Variants in SLC10A7 observed in about 807,000 individuals in gnomAD.
SLC10A7 encodes the protein sodium/bile acid cotransporter 7.
SLC10A7 carries 29 observed loss-of-function variants against 43.2 expected under a neutral mutation model. The observed-to-expected ratio is 0.67, with a 90% CI of 0.50 to 0.92. The LOEUF (loss-of-function observed/expected upper bound fraction) is 0.92, where lower values mean the gene tolerates loss of function less well. Ranked by LOEUF, SLC10A7 falls within the 40% of genes least tolerant of loss-of-function variation. SLC10A7 has a pLI of 0.00. For missense variants in SLC10A7, 295 were observed against 403.2 expected (o/e 0.73, Z 2.30); for synonymous variants, 152 against 144.8 (o/e 1.05, Z -0.35).
At chr4:146,367,962 T>A (rs1245239979) in intron 5 of SLC10A7, among the ~76,000 whole-genome samples, 1 of 152,084 alleles carries the variant, frequency 6.6e-6, no homozygotes, top group Non-Finnish European at 1.5e-5. Flanking sequence ...TCAAAAACAC[T>A]CCTTTAAATT....
intron 5 of SLC10A7, among the ~76,000 whole-genome samples, chr4:146,331,807 G>A (rs565991904): frequency 1.7e-3 from 265 of 152,238 alleles, no homozygotes; most frequent in Non-Finnish European, 2.4e-3. Flanking sequence ...AACAGTTAGT[G>A]AAAAGTCTAT....
At chr4:146,281,217 T>C (rs1201610458) in intron 10 of SLC10A7, among the ~76,000 whole-genome samples, 1 of 151,978 alleles carries the variant, frequency 6.6e-6, no homozygotes, top group Non-Finnish European at 1.5e-5. Flanking sequence ...CCTGAATGGG[T>C]AGATATTCTG....
At chr4:146,316,247 C>G (rs187634577) in intron 6 of SLC10A7, among the ~76,000 whole-genome samples, 1 of 152,100 alleles carries the variant, frequency 6.6e-6, no homozygotes, top group East Asian at 1.9e-4. Context: ...GATATGCTAT[C>G]AAGATAATTG....
intron 5 of SLC10A7, among the ~76,000 whole-genome samples, chr4:146,332,074 G>A (rs746288996): frequency 1.3e-5 from 2 of 152,186 alleles, no homozygotes; most frequent in Non-Finnish European, 2.9e-5. Flanking sequence ...GAAAGTGGTG[G>A]TGGATTGGTG....
chr4:146,438,921 C>T (rs116338557), intron 5 of SLC10A7, among the ~76,000 whole-genome samples: 2,665 of 151,956 alleles, frequency 0.018, 67 homozygotes, highest in African/African-American at 0.062. Context: ...AATTTGAAGT[C>T]GAAATATATA....
Position 146,517,047 on chromosome 4 carries a change from C to A in SLC10A7, c.174G>T (p.Leu58Phe). 1 of 1,600,398 alleles carries A rather than the reference C, an allele frequency of 6.2e-7. No homozygotes were observed. Among genetic ancestry groups the A allele is most frequent in the South Asian group, 1.1e-5 (1 of 89,048 alleles). The change falls in exon 2 of 12, where the codon TTG becomes TTT. Residue 58 changes from leucine (L) to phenylalanine (F), a missense_variant. Physicochemically the swap from Leu to Phe is conservative, Grantham distance 22 (BLOSUM62 0). Transcript: ENST00000335472. ...CCATAGATGACAGTACCTCTGTTTT[C>A]AATGATAGTCCACTGTTAAAGAATA... ...ATIFFNSGLS[L>F]KTEELTSALV... is the part of the protein sequence containing the mutation.
At chr4:146,322,495 T>C (rs1426140962) in intron 6 of SLC10A7, among the ~76,000 whole-genome samples, 1 of 151,926 alleles carries the variant, frequency 6.6e-6, no homozygotes, top group Non-Finnish European at 1.5e-5. Flanking sequence ...TTGTGATAGT[T>C]TGCTGAGAAT....
intron 5 of SLC10A7, among the ~76,000 whole-genome samples, chr4:146,361,799 T>C (rs1035762074): frequency 1.3e-5 from 2 of 152,160 alleles, no homozygotes; most frequent in African/African-American, 4.8e-5. Flanking sequence ...AGACATGGAA[T>C]TTAAAACAGC....
chr4:146,316,002 T>C (rs908052687), intron 6 of SLC10A7, among the ~76,000 whole-genome samples: 1 of 152,102 alleles, frequency 6.6e-6, no homozygotes, highest in African/African-American at 2.4e-5. Context: ...GAATAAGACA[T>C]GCACAATTTC....
intron 5 of SLC10A7, among the ~76,000 whole-genome samples, chr4:146,368,340 C>T (rs907576146): frequency 1.3e-5 from 2 of 152,144 alleles, no homozygotes; most frequent in Admixed American, 6.6e-5. Flanking sequence ...GCAGAAAATG[C>T]CCATGTGTTG....
At chr4:146,305,319 G>T (rs529817706) in intron 7 of SLC10A7, among the ~76,000 whole-genome samples, 1 of 150,656 alleles carries the variant, frequency 6.6e-6, no homozygotes, top group Non-Finnish European at 1.5e-5. Context: ...GTAAACTATC[G>T]CAACAACAAA....
At chr4:146,316,340 C>A (rs1732321325) in intron 6 of SLC10A7, among the ~76,000 whole-genome samples, 2 of 151,596 alleles carry the variant, frequency 1.3e-5, no homozygotes, top group South Asian at 4.1e-4. Flanking sequence ...TAAATCCAAA[C>A]CCCCTGGGTG....
rs72954596 is a variant in SLC10A7, at chr4:146,498,821, A to C, written c.396+5028T>G. 9.9e-3 allele frequency among the ~76,000 whole-genome samples: 1,512 copies of C among 152,306 alleles called. 22 individuals are homozygous for C. The highest frequency in any genetic ancestry group is 0.034 in the African/African-American group (1,404 of 41,558). On this transcript the variant is annotated intron_variant, in intron 4 of 11. Transcript: ENST00000335472. Reference sequence around the variant, plus strand: ...CAATAATAACCTAAGTTATAACAACATATTTTTTTTAACTAACAAAAAGCA... The same window carrying C: ...CAATAATAACCTAAGTTATAACAACCTATTTTTTTTAACTAACAAAAAGCA...
chr4:146,352,725 A>C lies in SLC10A7; in HGVS notation c.436-26729T>G, dbSNP rs1310512023. Among the ~76,000 whole-genome samples, 8 of 113,398 alleles carry C rather than the reference A, an allele frequency of 7.1e-5. No homozygotes were observed. In the East Asian group the frequency reaches 2.2e-3, roughly 31 times the overall value. The allele number at this position is 113,398 out of a possible 152,430, so 74.4% of individuals were successfully genotyped here. On this transcript the variant is annotated intron_variant, in intron 5 of 11. Coordinates refer to ENST00000335472, the MANE Select transcript of SLC10A7 (RefSeq NM_001029998.6). The stretch of plus-strand genomic sequence containing the variant: ...TGCAATCAAACTAGAACTCAGGATT[A>C]AGAATCTCACTCAAAGCCGCTCAAC...
Position 146,481,315 on chromosome 4 carries a change from C to T in SLC10A7, c.396+22534G>A, listed in dbSNP as rs144310357. Among the ~76,000 whole-genome samples the T allele has an allele frequency of 1.8e-3, 275 of 152,324 alleles. 3 individuals are homozygous for T. The highest frequency in any genetic ancestry group is 6.1e-3 in the African/African-American group (253 of 41,578). On this transcript the variant is annotated intron_variant, in intron 4 of 11. Coordinates refer to ENST00000335472, the MANE Select transcript of SLC10A7 (RefSeq NM_001029998.6). ...TGCCCCACAGTCCAAGCTGCTGAAG[C>T]ACCCCATCTCTCCAGAGAGTAAAGT...
chr4:146,483,681 T>C (rs1217308551), intron 4 of SLC10A7, among the ~76,000 whole-genome samples: 3 of 151,940 alleles, frequency 2.0e-5, no homozygotes, highest in African/African-American at 7.2e-5. Flanking sequence ...GAGAGGATGA[T>C]TGGATTAAAA....
chr4:146,432,995 G>A (rs1041139627), intron 5 of SLC10A7, among the ~76,000 whole-genome samples: 2 of 150,602 alleles, frequency 1.3e-5, no homozygotes, highest in Admixed American at 6.6e-5. Flanking sequence ...CCGAGATCAC[G>A]CCACTGCACT....
chr4:146,406,287 A>C (rs1004116162), intron 5 of SLC10A7, among the ~76,000 whole-genome samples: 10 of 152,204 alleles, frequency 6.6e-5, no homozygotes, highest in African/African-American at 2.4e-4. Flanking sequence ...AATTATTGGG[A>C]TCTCAGGTCC....
Position 146,503,864 on chromosome 4 carries a change from T to A in SLC10A7, c.381A>T (p.Ala127=). ...CATGACTCACCTCATTTCCACCAAC[T>A]GCCTTGGTTAAAATCACTGCAGAAG... ...PVSSAVILTK[A]VGGNEAAAIF... Residue 127 remains alanine, a synonymous_variant, in exon 4 of 12, where the codon GCA becomes GCT. Transcript: ENST00000335472. 1 of 1,614,100 alleles carries A rather than the reference T, an allele frequency of 6.2e-7. No homozygotes were observed. Among genetic ancestry groups the A allele is most frequent in the African/African-American group, 1.3e-5 (1 of 75,064 alleles).
Sources: allele counts gnomAD v4.1 joint callset (sites outside exome capture counted in the v4.1 genomes callset), GRCh38; gene constraint gnomAD v4.1.1; transcripts MANE v1.5; gene names NCBI Gene and HGNC (gene_info 2026-07-23, HGNC 2026-07-21).